The following CPPED1 variants were observed in gnomAD, a reference collection of about 807,000 sequenced individuals.
CPPED1 encodes the protein serine/threonine-protein phosphatase CPPED1.
In CPPED1, 28 loss-of-function variants were observed where a neutral mutation model predicts 28.0. That is an observed-to-expected ratio of 1.00 (90% CI 0.74 to 1.37). CPPED1 has a LOEUF of 1.37. Among genes scored for constraint, CPPED1 ranks in the 40% most tolerant of loss-of-function variants. CPPED1 has a pLI of 0.00. For missense variants in CPPED1, 504 were observed against 416.5 expected (o/e 1.21, Z -1.83); for synonymous variants, 198 against 180.2 (o/e 1.10, Z -0.79).
intron 1 of CPPED1, among the ~76,000 whole-genome samples, chr16:12,791,677 C>T (rs1301042201): frequency 6.6e-6 from 1 of 152,228 alleles, no homozygotes; most frequent in Non-Finnish European, 1.5e-5. Flanking sequence ...CTCCCTACTC[C>T]AGTCCATCTC....
At chr16:12,791,098 C>A (rs7184563) in intron 1 of CPPED1, among the ~76,000 whole-genome samples, 1 of 150,038 alleles carries the variant, frequency 6.7e-6, no homozygotes, top group Non-Finnish European at 1.5e-5. Flanking sequence ...GTGCAGAACA[C>A]GCAGGTTTGT....
intron 3 of CPPED1, among the ~76,000 whole-genome samples, chr16:12,669,712 C>A (rs1374156488): frequency 6.6e-6 from 1 of 152,130 alleles, no homozygotes; most frequent in African/African-American, 2.4e-5. Context: ...TATGTACTAG[C>A]AATGAGAGCA....
intron 2 of CPPED1, among the ~76,000 whole-genome samples, chr16:12,719,850 T>G (rs2080129202): frequency 1.3e-5 from 2 of 151,468 alleles, no homozygotes. Flanking sequence ...GCAGGAGAAT[T>G]GCTTGAACCC....
chr16:12,706,085 T>C (rs2080048785), intron 2 of CPPED1, among the ~76,000 whole-genome samples: 4 of 152,104 alleles, frequency 2.6e-5, no homozygotes, highest in Admixed American at 2.6e-4. Flanking sequence ...AGTTTTATAT[T>C]TAACCCTAAT....
At chr16:12,715,238 T>G (rs2141193930) in intron 2 of CPPED1, among the ~76,000 whole-genome samples, 1 of 152,294 alleles carries the variant, frequency 6.6e-6, no homozygotes, top group Middle Eastern at 3.4e-3. Flanking sequence ...TCTTCCAACT[T>G]TATTCTTCCT....
intron 1 of CPPED1, among the ~76,000 whole-genome samples, chr16:12,792,452 A>G (rs975841332): frequency 6.6e-6 from 1 of 152,166 alleles, no homozygotes; most frequent in African/African-American, 2.4e-5. Flanking sequence ...AACCCACAAC[A>G]AAATCCAGCC....
intron 1 of CPPED1, among the ~76,000 whole-genome samples, chr16:12,784,555 G>GAAA (rs11321564): frequency 1.4e-4 from 21 of 146,986 alleles, no homozygotes; most frequent in East Asian, 7.9e-4. Context: ...ATTTTGTCAT[G>GAAA]AAAAAAAAAA....
intron 1 of CPPED1, among the ~76,000 whole-genome samples, chr16:12,802,472 GT>G (rs767016588): frequency 7.9e-4 from 120 of 152,180 alleles, no homozygotes; most frequent in Non-Finnish European, 1.4e-3. Flanking sequence ...GTGGTGGTGC[GT>G]GCCTATAGTT....
chr16:12,723,376 A>T (rs771306500), intron 2 of CPPED1, among the ~76,000 whole-genome samples: 14 of 152,154 alleles, frequency 9.2e-5, no homozygotes, highest in Non-Finnish European at 7.3e-5. Context: ...TCATCATATG[A>T]CTGCAACTGG....
At chr16:12,680,636 G>C (rs1451486613) in intron 3 of CPPED1, among the ~76,000 whole-genome samples, 1 of 152,116 alleles carries the variant, frequency 6.6e-6, no homozygotes, top group African/African-American at 2.4e-5. Context: ...CTGGGTCTTG[G>C]GGGAGAAGCC....
chr16:12,781,724 C>T (rs184274628), intron 1 of CPPED1, among the ~76,000 whole-genome samples: 3 of 152,242 alleles, frequency 2.0e-5, no homozygotes, highest in East Asian at 3.9e-4. Context: ...AGAAGATATT[C>T]GTGCTCCATA....
intron 3 of CPPED1, among the ~76,000 whole-genome samples, chr16:12,680,234 G>C (rs989821264): frequency 7.2e-5 from 11 of 152,060 alleles, no homozygotes; most frequent in Admixed American, 6.6e-4. Flanking sequence ...TATGAATAGG[G>C]TATATAAGCT....
At chr16:12,681,656 C>T (rs2079905514) in intron 3 of CPPED1, among the ~76,000 whole-genome samples, 1 of 152,124 alleles carries the variant, frequency 6.6e-6, no homozygotes, top group African/African-American at 2.4e-5. Flanking sequence ...TAGGGCTGTG[C>T]ATTCTCGGCT....
chr16:12,777,471 A>C (rs1196837711), intron 2 of CPPED1, among the ~76,000 whole-genome samples: 1 of 152,236 alleles, frequency 6.6e-6, no homozygotes, highest in Non-Finnish European at 1.5e-5. Context: ...GATGAAAATC[A>C]ATGGGTCTCA....
At chr16:12,685,241 G>T (rs538647461) in intron 3 of CPPED1, among the ~76,000 whole-genome samples, 1 of 152,204 alleles carries the variant, frequency 6.6e-6, no homozygotes, top group African/African-American at 2.4e-5. Context: ...CCTGAGGTCA[G>T]GAGTTTGAGA....
chr16:12,714,333 T>G (rs2080095783), intron 2 of CPPED1, among the ~76,000 whole-genome samples: 1 of 152,236 alleles, frequency 6.6e-6, no homozygotes, highest in South Asian at 2.1e-4. Flanking sequence ...CTGAGTTACA[T>G]GGTAACTATA....
chr16:12,677,676 G>C (rs931297502), intron 3 of CPPED1, among the ~76,000 whole-genome samples: 3 of 152,188 alleles, frequency 2.0e-5, no homozygotes, highest in African/African-American at 7.2e-5. Flanking sequence ...GGTCGTGTAT[G>C]TGTCTTCCTT....
intron 1 of CPPED1, 78 bp downstream of exon 1, chr16:12,803,629 A>T (rs1197181996): frequency 8.0e-7 from 1 of 1,246,986 alleles, no homozygotes; most frequent in Non-Finnish European, 1.1e-6. Flanking sequence ...GGCGGAGCGC[A>T]CACCTGAACA....
chr16:12,673,166 C>A (rs1421427697), intron 3 of CPPED1, among the ~76,000 whole-genome samples: 1 of 152,142 alleles, frequency 6.6e-6, no homozygotes, highest in Admixed American at 6.5e-5. Context: ...GGTTGGGCGC[C>A]TGATGGGTCC....
Sources: gnomAD v4.1 joint callset for allele counts (sites outside exome capture counted in the v4.1 genomes callset) on GRCh38, gnomAD v4.1.1 for gene constraint, MANE v1.5 for transcripts, NCBI Gene and HGNC (gene_info 2026-07-23, HGNC 2026-07-21) for gene names.